Variants in CFAP61 observed in about 807,000 individuals in gnomAD.
CFAP61 encodes the protein cilia- and flagella-associated protein 61.
CFAP61 carries 107 observed loss-of-function variants against 135.6 expected under a neutral mutation model. That is an observed-to-expected ratio of 0.79 (90% CI 0.67 to 0.93). The LOEUF is 0.93. Ranked by LOEUF, CFAP61 falls within the 40% of genes least tolerant of loss-of-function variation. CFAP61 has a pLI of 0.00. For missense variants in CFAP61, 1,507 were observed against 1,556.2 expected (o/e 0.97, Z 0.53); for synonymous variants, 575 against 578.5 (o/e 0.99, Z 0.09).
intron 8 of CFAP61, among the ~76,000 whole-genome samples, chr20:20,109,672 C>G (rs1302315442): frequency 6.6e-6 from 1 of 152,222 alleles, no homozygotes; most frequent in Non-Finnish European, 1.5e-5. Context: ...TTATTCTCTC[C>G]TGTAGCTGTG....
Position 20,300,607 on chromosome 20 carries a change from G to GT in CFAP61, c.3422+2236dup, listed in dbSNP as rs760598213. Among the ~76,000 whole-genome samples the GT allele has an allele frequency of 9.2e-3, 1,334 of 145,686 alleles. 8 individuals are homozygous for GT. Among genetic ancestry groups the GT allele is most frequent in the Non-Finnish European group, 0.013 (887 of 66,182 alleles). On this transcript the variant is annotated intron_variant, in intron 25 of 26. Coordinates refer to ENST00000245957, the MANE Select transcript of CFAP61 (RefSeq NM_015585.4). ...CTTATGGGGTTCTTTTGTTTTTTTT[G>GT]TTTTTTTTTTTTTTTGAGATGGAGT...
chr20:20,228,192 T>C, intron 17 of CFAP61, 57 bp from the exon 18 acceptor site: 1 of 1,542,914 alleles, frequency 6.5e-7, no homozygotes, highest in Non-Finnish European at 8.9e-7. Context: ...AATTTGAGGG[T>C]ATGAACACTG....
intron 25 of CFAP61, among the ~76,000 whole-genome samples, chr20:20,316,401 C>T (rs2122220451): frequency 6.6e-6 from 1 of 151,872 alleles, no homozygotes; most frequent in Non-Finnish European, 1.5e-5. Flanking sequence ...TATCCTGAGA[C>T]TTTGCTGAAG....
At chr20:20,143,095 G>A (rs748294314) in intron 9 of CFAP61, 147 bp downstream of exon 9, 51 of 587,594 alleles carry the variant, frequency 8.7e-5, no homozygotes, top group East Asian at 4.1e-4. Flanking sequence ...TAAGCACACC[G>A]CGAGCTGGGG....
intron 21 of CFAP61, among the ~76,000 whole-genome samples, chr20:20,276,245 A>G (rs2053751524): frequency 6.6e-6 from 1 of 152,222 alleles, no homozygotes; most frequent in African/African-American, 2.4e-5. Context: ...TCCTTTTCAT[A>G]TTATTTCATG....
chr20:20,167,509 A>G (rs1044735298), intron 12 of CFAP61, among the ~76,000 whole-genome samples: 1 of 152,210 alleles, frequency 6.6e-6, no homozygotes, highest in Admixed American at 6.5e-5. Context: ...TAAAAAGGTA[A>G]AAGAGCTGTT....
chr20:20,180,604 ACTC>A (rs1187721336), intron 13 of CFAP61, among the ~76,000 whole-genome samples: 1 of 151,940 alleles, frequency 6.6e-6, no homozygotes, highest in Non-Finnish European at 1.5e-5. Context: ...CAGTGTGACG[ACTC>A]CTCAAAGACG....
At chr20:20,355,353 AGGT>A (rs1342805118) in intron 26 of CFAP61, among the ~76,000 whole-genome samples, 4 of 112,458 alleles carry the variant, frequency 3.6e-5, no homozygotes, top group African/African-American at 7.4e-5. Flanking sequence ...CTGTGAGGGG[AGGT>A]GGTCACACTG....
At chr20:20,096,533 T>A (rs959195644) in intron 7 of CFAP61, among the ~76,000 whole-genome samples, 1 of 152,274 alleles carries the variant, frequency 6.6e-6, no homozygotes, top group Non-Finnish European at 1.5e-5. Context: ...ATTCTTATCA[T>A]ACACATGCAG....
chr20:20,199,758 T>A lies in CFAP61; in HGVS notation c.1798-10T>A. 1 of 1,614,054 alleles carries A rather than the reference T, an allele frequency of 6.2e-7. No individual in the cohort carries two copies. The highest frequency in any genetic ancestry group is 8.5e-7 in the Non-Finnish European group (1 of 1,179,964). On this transcript the variant is annotated splice_polypyrimidine_tract_variant and intron_variant, in intron 16 of 26. Transcript: ENST00000245957. Reference sequence around the variant, plus strand: ...TTCTCTCCCCTAAAATATAGATTGCTGTCTTTCAGTTCCAGAACCCCTACG... The same window carrying A: ...TTCTCTCCCCTAAAATATAGATTGCAGTCTTTCAGTTCCAGAACCCCTACG...
chr20:20,283,249 G>A (rs1322585220), intron 22 of CFAP61, among the ~76,000 whole-genome samples: 1 of 152,140 alleles, frequency 6.6e-6, no homozygotes, highest in Non-Finnish European at 1.5e-5. Context: ...AGCATTTATA[G>A]TTGTTATATC....
At chr20:20,155,625 C>G (rs1437965050) in intron 9 of CFAP61, among the ~76,000 whole-genome samples, 1 of 151,832 alleles carries the variant, frequency 6.6e-6, no homozygotes, top group Admixed American at 6.6e-5. Flanking sequence ...AATAGAGAAT[C>G]CTCAAAAGAA....
At chr20:20,123,971 G>GTTTTT (rs35528584) in intron 8 of CFAP61, among the ~76,000 whole-genome samples, 80 of 65,252 alleles carry the variant, frequency 1.2e-3, no homozygotes, top group Non-Finnish European at 1.8e-3. Context: ...ATATTCCTAA[G>GTTTTT]TTTTTTTTTT....
At chr20:20,102,075 T>C (rs2048067014) in intron 8 of CFAP61, among the ~76,000 whole-genome samples, 1 of 152,222 alleles carries the variant, frequency 6.6e-6, no homozygotes, top group African/African-American at 2.4e-5. Flanking sequence ...GTCTGCAGGC[T>C]TTTTTAAAAC....
intron 6 of CFAP61, among the ~76,000 whole-genome samples, chr20:20,086,257 C>T (rs1260615915): frequency 6.7e-6 from 1 of 150,310 alleles, no homozygotes; most frequent in Non-Finnish European, 1.5e-5. Flanking sequence ...TACTGGTGTG[C>T]TGCACCCATT....
rs565407866 is a variant in CFAP61 at position 20,122,802 on chromosome 20, A to G, written c.860-20055A>G. Among the ~76,000 whole-genome samples, 4 of 149,092 alleles carry G rather than the reference A, an allele frequency of 2.7e-5. No homozygotes were observed. In the East Asian group the frequency reaches 7.7e-4, roughly 29 times the overall value. ...CCCAGTAGTGGGATTGCTGGATCAA[A>G]TGGTAGTTCTACTTTTAGTTCTTCA... is the stretch of plus-strand genomic sequence containing the variant. On this transcript the variant is annotated intron_variant, in intron 8 of 26. Coordinates refer to ENST00000245957, the MANE Select transcript of CFAP61 (RefSeq NM_015585.4).
At chr20:20,060,774 T>A (rs1015820754) in intron 2 of CFAP61, among the ~76,000 whole-genome samples, 1 of 152,222 alleles carries the variant, frequency 6.6e-6, no homozygotes, top group Non-Finnish European at 1.5e-5. Context: ...CAACTTCCAC[T>A]GGGTCTCCGG....
chr20:20,193,953 A>G (rs1046121265), intron 15 of CFAP61, among the ~76,000 whole-genome samples: 13 of 152,164 alleles, frequency 8.5e-5, no homozygotes, highest in Admixed American at 7.2e-4. Context: ...GTCTTCCAGT[A>G]TCCAATGTCA....
At chr20:20,104,346 A>C (rs970136179) in intron 8 of CFAP61, among the ~76,000 whole-genome samples, 1 of 151,482 alleles carries the variant, frequency 6.6e-6, no homozygotes. Context: ...TTTGCTTCTT[A>C]TCTCAGATTC....
Sources: gnomAD v4.1 joint callset for allele counts (sites outside exome capture counted in the v4.1 genomes callset) on GRCh38, gnomAD v4.1.1 for gene constraint, MANE v1.5 for transcripts, NCBI Gene and HGNC (gene_info 2026-07-23, HGNC 2026-07-21) for gene names.